NCOA7: variants seen among roughly 807,000 people sequenced by gnomAD.
The protein encoded by NCOA7 is nuclear receptor coactivator 7.
NCOA7 carries 45 observed loss-of-function variants against 104.3 expected under a neutral mutation model. The observed-to-expected ratio is 0.43, with a 90% CI of 0.34 to 0.55. The LOEUF (loss-of-function observed/expected upper bound fraction) is 0.55. Among genes scored for constraint, NCOA7 ranks in the 20% least tolerant of loss-of-function variants. The pLI, the probability that NCOA7 is intolerant of heterozygous loss-of-function variation, is 0.02. For synonymous variants in NCOA7, 398 were observed against 402.3 expected (o/e 0.99, Z 0.13); for missense variants, 1,041 against 1,119.7 (o/e 0.93, Z 1.00).
intron 2 of NCOA7, among the ~76,000 whole-genome samples, chr6:125,852,432 G>A (rs766264484): frequency 1.1e-4 from 16 of 152,136 alleles, no homozygotes; most frequent in Non-Finnish European, 1.9e-4. Context: ...TAGACCTTGT[G>A]ATCTGCCTGC....
At chr6:125,833,475 C>T (rs1011958167) in intron 2 of NCOA7, among the ~76,000 whole-genome samples, 4 of 151,216 alleles carry the variant, frequency 2.6e-5, no homozygotes, top group African/African-American at 4.9e-5. Context: ...CCCAGCTACT[C>T]GGGAAGCTGA....
chr6:125,836,517 A>G (rs905525058), intron 2 of NCOA7, among the ~76,000 whole-genome samples: 4 of 152,150 alleles, frequency 2.6e-5, no homozygotes, highest in African/African-American at 9.7e-5. Flanking sequence ...ATTTTCCCCC[A>G]TCTGATAAAA....
rs1313255224 is a variant in NCOA7 at position 125,932,027 on chromosome 6, A to G, written c.*3256A>G. The G allele has an allele frequency of 6.6e-6, 1 of 152,148 alleles. No individual in the cohort carries two copies. The highest frequency in any genetic ancestry group is 1.9e-4 in the East Asian group (1 of 5,190). The allele number at this position is 152,148 out of a possible 1,614,324, so 9.4% of individuals were successfully genotyped here. A position where few individuals can be genotyped will look rare whatever the true frequency, so the allele number is the denominator to read the frequency against. ...TGAGTCCATTAAACCTCTTTTCTTT[A>G]TAAATAACCCAGTCTCAGGTAGTTC... is the stretch of plus-strand genomic sequence containing the variant. On this transcript the variant is annotated 3_prime_UTR_variant, in exon 16 of 16. Transcript: ENST00000392477.
At chr6:125,897,686 AT>A (rs1292894395) in intron 10 of NCOA7, among the ~76,000 whole-genome samples, 5 of 148,128 alleles carry the variant, frequency 3.4e-5, no homozygotes, top group Admixed American at 6.8e-5. Context: ...CCCTTTTCAC[AT>A]TTTTTTTTTG....
intron 14 of NCOA7, 101 bp downstream of exon 14, chr6:125,927,859 T>C: frequency 1.0e-6 from 1 of 995,756 alleles, no homozygotes; most frequent in South Asian, 1.3e-5. Context: ...TAACTTCTCC[T>C]GAACTGACTC....
rs370680666 is a variant in NCOA7 at position 125,919,330 on chromosome 6, A to G, written c.2245-1613A>G. On this transcript the variant is annotated intron_variant, in intron 11 of 15. Coordinates refer to ENST00000392477, the MANE Select transcript of NCOA7 (RefSeq NM_181782.5). ...AGAGAAAACTTGTTCCTCATTAGAG[A>G]GAGAGCCACACTTCTCACTGCTCAC... 3 of 1,612,716 alleles carry G rather than the reference A, an allele frequency of 1.9e-6. No homozygotes were observed. In the African/African-American group the frequency reaches 4.0e-5, roughly 22 times the overall value.
chr6:125,810,601 T>C (rs1776904077), intron 1 of NCOA7, among the ~76,000 whole-genome samples: 1 of 152,182 alleles, frequency 6.6e-6, no homozygotes, highest in Non-Finnish European at 1.5e-5. Context: ...AAGAAGCCCA[T>C]TATGACCACT....
chr6:125,876,667 C>T (rs886654351), intron 4 of NCOA7, among the ~76,000 whole-genome samples: 2 of 150,988 alleles, frequency 1.3e-5, no homozygotes, highest in Admixed American at 1.3e-4. Context: ...GTCAATAATG[C>T]AGGTATGCCT....
upstream of NCOA7, among the ~76,000 whole-genome samples, chr6:125,790,307 T>C (rs1037183680): frequency 1.3e-5 from 2 of 152,242 alleles, no homozygotes; most frequent in Admixed American, 1.3e-4. Flanking sequence ...GTCAAAGCCT[T>C]ACTTCCCACG....
At chr6:125,916,457 G>A (rs1310872229) in intron 11 of NCOA7, among the ~76,000 whole-genome samples, 13 of 152,100 alleles carry the variant, frequency 8.5e-5, no homozygotes, top group South Asian at 4.1e-4. Context: ...TTCTTTAGGC[G>A]AGGGCCCTGG....
At chr6:125,804,739 A>G (rs897813505) in intron 1 of NCOA7, among the ~76,000 whole-genome samples, 4 of 152,196 alleles carry the variant, frequency 2.6e-5, no homozygotes. Flanking sequence ...AGTGCTTAGA[A>G]AAAAGATGGC....
At chr6:125,909,361 G>T (rs551592815) in intron 10 of NCOA7, among the ~76,000 whole-genome samples, 1 of 152,182 alleles carries the variant, frequency 6.6e-6, no homozygotes, top group Non-Finnish European at 1.5e-5. Context: ...CTTCATGAAG[G>T]CAGGGTCATT....
chr6:125,786,670 G>A (rs567370231), upstream of NCOA7, among the ~76,000 whole-genome samples: 1 of 150,168 alleles, frequency 6.7e-6, no homozygotes, highest in Non-Finnish European at 1.5e-5. Context: ...TCTCCCTCTC[G>A]GGTTCAAGTG....
intron 3 of NCOA7, among the ~76,000 whole-genome samples, chr6:125,856,715 C>A (rs1206289810): frequency 6.6e-6 from 1 of 151,136 alleles, no homozygotes; most frequent in Admixed American, 6.6e-5. Flanking sequence ...GCATACAGGT[C>A]ATGGCATACT....
intron 2 of NCOA7, among the ~76,000 whole-genome samples, chr6:125,844,531 T>C (rs1226266787): frequency 2.0e-5 from 3 of 152,232 alleles, no homozygotes; most frequent in African/African-American, 7.2e-5. Context: ...TTAACTGTTT[T>C]TCTCCCTTTG....
chr6:125,924,979 C>CCCT (rs1011656779), intron 13 of NCOA7, among the ~76,000 whole-genome samples: 1 of 152,194 alleles, frequency 6.6e-6, no homozygotes, highest in Admixed American at 6.5e-5. Flanking sequence ...CTTCTACCCA[C>CCCT]CCTCCACTCA....
chr6:125,800,068 G>GC lies in NCOA7; in HGVS notation c.-65+9002dup, dbSNP rs566537551. Among the ~76,000 whole-genome samples the GC allele has an allele frequency of 2.4e-4, 37 of 152,310 alleles. 2 individuals are homozygous for GC. Among genetic ancestry groups the GC allele is most frequent in the Middle Eastern group, 6.8e-3 (2 of 294 alleles). On this transcript the variant is annotated intron_variant, in intron 1 of 15. Coordinates refer to ENST00000392477, the MANE Select transcript of NCOA7 (RefSeq NM_181782.5). Reference sequence around the variant, plus strand: ...GCAGAGAGCACCACAGTTAGCAAATGCATTTATAATAGGGGGCTAGTAATA... The same window carrying GC: ...GCAGAGAGCACCACAGTTAGCAAATGCCATTTATAATAGGGGGCTAGTAATA...
intron 3 of NCOA7, among the ~76,000 whole-genome samples, chr6:125,855,985 A>G (rs1052300927): frequency 1.3e-5 from 2 of 152,140 alleles, no homozygotes; most frequent in Non-Finnish European, 2.9e-5. Flanking sequence ...TCTCAGAATA[A>G]CCCGTGCATC....
rs1464812245 is a variant in NCOA7, at chr6:125,928,635, G to A, written c.2694-1G>A. 6.3e-7 allele frequency: 1 copy of A among 1,596,344 alleles called. No homozygotes were observed. The highest frequency in any genetic ancestry group is 1.8e-5 in the Admixed American group (1 of 55,946). ...TTTTTTTTTTTTTTTAACCTTTTCAGGGGACGATTTGGTTTATGGCTAGAT... is the reference window on the plus strand; with the variant it reads ...TTTTTTTTTTTTTTTAACCTTTTCAAGGGACGATTTGGTTTATGGCTAGAT... On this transcript the variant is annotated splice_acceptor_variant, in intron 15 of 15. Transcript: ENST00000392477. LOFTEE classifies it high-confidence loss of function.
Sources: gnomAD v4.1 joint callset for allele counts (sites outside exome capture counted in the v4.1 genomes callset) on GRCh38, gnomAD v4.1.1 for gene constraint, MANE v1.5 for transcripts, NCBI Gene and HGNC (gene_info 2026-07-23, HGNC 2026-07-21) for gene names.